The following ZFYVE1 variants were observed in gnomAD, a reference collection of about 807,000 sequenced individuals.
ZFYVE1 encodes the protein zinc finger FYVE domain-containing protein 1.
Under a neutral mutation model 74.4 loss-of-function variants are expected in ZFYVE1, and 30 were observed. The ratio of observed to expected loss-of-function variants is 0.40; its 90% CI spans 0.30 to 0.55. The LOEUF is 0.55. Ranked by LOEUF, ZFYVE1 falls within the 20% of genes least tolerant of loss-of-function variation. The pLI, the probability that ZFYVE1 is intolerant of heterozygous loss-of-function variation, is 0.42. For missense variants in ZFYVE1, 703 were observed against 1,011.6 expected (o/e 0.69, Z 4.14); for synonymous variants, 335 against 385.1 (o/e 0.87, Z 1.52).
chr14:72,977,432 A>G (rs1162129000), intron 8 of ZFYVE1, among the ~76,000 whole-genome samples: 1 of 152,168 alleles, frequency 6.6e-6, no homozygotes, highest in Admixed American at 6.5e-5. Context: ...AAAAAGATTA[A>G]GCGTCTATAG....
chr14:72,997,808 C>T lies in ZFYVE1; in HGVS notation c.988+3G>A, dbSNP rs868469461. The T allele has an allele frequency of 8.2e-6, 13 of 1,580,356 alleles. No homozygotes were observed. In the Middle Eastern group the frequency reaches 2.2e-3, roughly 268 times the overall value. On this transcript the variant is annotated splice_donor_region_variant and intron_variant, in intron 3 of 11. Transcript: ENST00000556143. ...AGCTGTGACACTGTACCCCATCTCT[C>T]ACCAGAGCCCAGTAGCTGGGTGTGC...
chr14:73,018,410 G>A (rs1186094408), intron 2 of ZFYVE1, among the ~76,000 whole-genome samples: 6 of 123,740 alleles, frequency 4.8e-5, no homozygotes, highest in African/African-American at 6.3e-5. Flanking sequence ...CAGCCTAGGC[G>A]ACAGAGCAAG....
Position 73,024,251 on chromosome 14 carries a change from C to G in ZFYVE1, c.258G>C (p.Gln86His). The G allele has an allele frequency of 6.2e-7, 1 of 1,614,234 alleles. No individual in the cohort carries two copies. Among genetic ancestry groups the G allele is most frequent in the Non-Finnish European group, 8.5e-7 (1 of 1,180,052 alleles). The change falls in exon 2 of 12, where the codon CAG (glutamine) becomes CAC (histidine). Residue 86 changes from glutamine (Q) to histidine (H), a missense_variant. By Grantham distance (24) the Gln-to-His change is conservative. Around this residue, in one of 2 missense-constraint regions of ZFYVE1, gnomAD observed 211 missense variants for 221.7 expected, o/e 0.95. Coordinates refer to ENST00000556143, the MANE Select transcript of ZFYVE1 (RefSeq NM_021260.4). ...GLSGHLPGVRQRAIVRCQTCK... is the reference protein window; with the variant it reads ...GLSGHLPGVRHRAIVRCQTCK... ...AGGTCTGGCACCTCACTATTGCCCT[C>G]TGCCTAACACCTGGTAAATGCCCAC...
chr14:73,020,797 A>G (rs1010861297), intron 2 of ZFYVE1, among the ~76,000 whole-genome samples: 4 of 152,274 alleles, frequency 2.6e-5, no homozygotes, highest in Admixed American at 2.0e-4. Context: ...CCAACATGCA[A>G]AACCAGGTCC....
At chr14:73,023,197 A>ATATATAATATATATTT (rs1567366550) in intron 2 of ZFYVE1, among the ~76,000 whole-genome samples, 6 of 137,608 alleles carry the variant, frequency 4.4e-5, no homozygotes, top group South Asian at 4.3e-4. Flanking sequence ...TATATATTTT[A>ATATATAATATATATTT]TATATGTTTT....
Position 72,997,922 on chromosome 14 carries a change from T to C in ZFYVE1, c.877A>G (p.Lys293Glu), listed in dbSNP as rs1340616239. 2 of 1,614,164 alleles carry C rather than the reference T, an allele frequency of 1.2e-6. No individual in the cohort carries two copies. The highest frequency in any genetic ancestry group is 1.7e-5 in the Admixed American group (1 of 60,018). ...CGAGCAGTGGTGGCCTTGAGCTCCT[T>C]GGTGAAGTGCTTCAGATAAGCTTCT... ...ASEAYLKHFT[K>E]ELKATTARCG... The change falls in exon 3 of 12, where the codon AAG becomes GAG. Residue 293 changes from lysine (K) to glutamate (E), a missense_variant. Coordinates refer to ENST00000556143, the MANE Select transcript of ZFYVE1 (RefSeq NM_021260.4).
At chr14:72,980,528 AATTAATTAATTT>A (rs1208855202) in intron 5 of ZFYVE1, among the ~76,000 whole-genome samples, 1,198 of 103,024 alleles carry the variant, frequency 0.012, 8 homozygotes, top group African/African-American at 0.056. Context: ...ATCACCTGAG[AATTAATTAATTT>A]ATTTATTTAT....
chr14:72,974,695 C>T, intron 10 of ZFYVE1, 84 bp downstream of exon 10: 1 of 1,485,672 alleles, frequency 6.7e-7, no homozygotes, highest in Non-Finnish European at 9.1e-7. Context: ...TGGATTAGGG[C>T]ATCTGGATAT....
At chr14:72,999,484 G>A (rs1893823434) in intron 2 of ZFYVE1, among the ~76,000 whole-genome samples, 1 of 152,100 alleles carries the variant, frequency 6.6e-6, no homozygotes, top group African/African-American at 2.4e-5. Flanking sequence ...CTACTGCAGA[G>A]GCTGAGGTGG....
intron 2 of ZFYVE1, among the ~76,000 whole-genome samples, chr14:73,014,475 A>T (rs2140383578): frequency 6.6e-6 from 1 of 152,344 alleles, no homozygotes; most frequent in Non-Finnish European, 1.5e-5. Flanking sequence ...GCAATGATGG[A>T]GGAGGAGGCC....
intron 4 of ZFYVE1, among the ~76,000 whole-genome samples, chr14:72,986,563 C>CTTTTTTTTT (rs751115992): frequency 7.3e-5 from 10 of 136,800 alleles, no homozygotes; most frequent in Non-Finnish European, 1.4e-4. Context: ...TCAGCTTTTC[C>CTTTTTTTTT]TTTTTTTTTT....
At chr14:73,023,577 T>G (rs58178546) in intron 2 of ZFYVE1, among the ~76,000 whole-genome samples, 32,978 of 150,884 alleles carry the variant, frequency 0.22, 4,061 homozygotes, top group South Asian at 0.3. Flanking sequence ...TGGGACCCAC[T>G]GTTAGTGTGT....
chr14:73,000,658 A>G (rs953845777), intron 2 of ZFYVE1, among the ~76,000 whole-genome samples: 3 of 152,156 alleles, frequency 2.0e-5, no homozygotes, highest in East Asian at 1.9e-4. Flanking sequence ...CAGAATCACA[A>G]TGTTCATGCA....
chr14:72,974,644 G>T, intron 10 of ZFYVE1, 135 bp downstream of exon 10: 1 of 1,162,414 alleles, frequency 8.6e-7, no homozygotes. Flanking sequence ...GAGCTTAGAG[G>T]CTGACTGGCC....
intron 4 of ZFYVE1, among the ~76,000 whole-genome samples, chr14:72,990,305 GCC>G (rs1445175671): frequency 1.3e-5 from 2 of 151,636 alleles, no homozygotes; most frequent in East Asian, 3.9e-4. Flanking sequence ...GTATAACACA[GCC>G]CCTATACCTC....
chr14:73,004,869 C>T (rs147279629), intron 2 of ZFYVE1, among the ~76,000 whole-genome samples: 28 of 152,056 alleles, frequency 1.8e-4, no homozygotes, highest in African/African-American at 6.7e-4. Context: ...CGTTGCGGCA[C>T]GTCCCTGTAA....
rs574819923 is a variant in ZFYVE1, at chr14:72,969,551, G to C, written c.*1331C>G. ...GGAGGCAGGAGGAGCAGGGCTGAGA[G>C]GGACGACACACTCCAGGGCTCATGT... On this transcript the variant is annotated 3_prime_UTR_variant, in exon 12 of 12. Coordinates refer to ENST00000556143, the MANE Select transcript of ZFYVE1 (RefSeq NM_021260.4). 1.0e-4 allele frequency: 64 copies of C among 611,808 alleles called. No individual in the cohort carries two copies. The South Asian group carries it at 1.1e-3, about 10-fold the overall frequency. The allele number at this position is 611,808 out of a possible 1,614,324, so 37.9% of individuals were successfully genotyped here.
At chr14:73,005,350 T>C (rs568705808) in intron 2 of ZFYVE1, among the ~76,000 whole-genome samples, 1 of 152,278 alleles carries the variant, frequency 6.6e-6, no homozygotes, top group South Asian at 2.1e-4. Flanking sequence ...AGTGACCCCA[T>C]GGTGCTCCAA....
At chr14:72,983,569 T>C (rs1039388065) in intron 4 of ZFYVE1, among the ~76,000 whole-genome samples, 2 of 152,056 alleles carry the variant, frequency 1.3e-5, no homozygotes, top group African/African-American at 2.4e-5. Context: ...CCATGGTGTA[T>C]ATGTGCCACA....
Sources: allele counts gnomAD v4.1 joint callset (sites outside exome capture counted in the v4.1 genomes callset), GRCh38; gene constraint gnomAD v4.1.1; regional missense constraint gnomAD v4.1.1; transcripts MANE v1.5; gene names NCBI Gene and HGNC (gene_info 2026-07-23, HGNC 2026-07-21).